Variants in D2HGDH observed in about 807,000 individuals in gnomAD.
The protein encoded by D2HGDH is D-2-hydroxyglutarate dehydrogenase, mitochondrial.
D2HGDH carries 31 observed loss-of-function variants against 46.9 expected under a neutral mutation model. The observed-to-expected ratio is 0.66, with a 90% CI of 0.50 to 0.89. D2HGDH has a LOEUF of 0.89. D2HGDH is among the 40% of genes least tolerant of loss of function. The pLI is 0.00. For missense variants in D2HGDH, 698 were observed against 720.8 expected, an observed-to-expected ratio of 0.97 and a Z score of 0.36; for synonymous variants, 364 against 332.6, an observed-to-expected ratio of 1.09 and a Z score of -1.03.
At chr2:241,748,757 C>G (rs982378406) in intron 6 of D2HGDH, 69 of 1,072,034 alleles carry the variant, frequency 6.4e-5, no homozygotes, top group Non-Finnish European at 7.5e-5. Context: ...CTGGGGCAGC[C>G]TTGACTGCTT....
intron 2 of D2HGDH, among the ~76,000 whole-genome samples, chr2:241,739,942 C>G (rs1490878538): frequency 6.6e-6 from 1 of 152,140 alleles, no homozygotes; most frequent in Non-Finnish European, 1.5e-5. Flanking sequence ...GCCATGAGTT[C>G]AAGATCAGAC....
chr2:241,750,059 A>C, intron 6 of D2HGDH, 92 bp from the exon 7 acceptor site: 2 of 1,596,766 alleles, frequency 1.3e-6, no homozygotes, highest in South Asian at 2.2e-5. Flanking sequence ...ACCCACCCAC[A>C]TGAGTCGGGC....
chr2:241,744,576 C>G (rs138139840), intron 5 of D2HGDH, 133 bp from the exon 6 acceptor site: 1 of 1,119,896 alleles, frequency 8.9e-7, no homozygotes, highest in African/African-American at 1.5e-5. Context: ...GTCACTCGTA[C>G]AGGAGGAAAG....
At chr2:241,737,100 C>A (rs550474855) in intron 2 of D2HGDH, among the ~76,000 whole-genome samples, 16 of 152,318 alleles carry the variant, frequency 1.1e-4, no homozygotes, top group Non-Finnish European at 1.5e-4. Context: ...TCCCGAGTAG[C>A]TGGGACTACA....
rs762845272 is a variant in D2HGDH, at chr2:241,755,923, C to T, written c.1215C>T (p.Ser405=). 3.7e-6 allele frequency: 6 copies of T among 1,612,904 alleles called. No individual in the cohort carries two copies. In the East Asian group the frequency reaches 1.1e-4, roughly 30 times the overall value. Residue 405 remains serine (S), a synonymous_variant, in exon 9 of 10, where the codon TCC becomes TCT. Coordinates refer to ENST00000321264, the MANE Select transcript of D2HGDH (RefSeq NM_152783.5). The stretch of plus-strand genomic sequence containing the variant: ...GCTACGTGTACAAGTACGACCTCTC[C>T]CTCCCTGTGGAGCGGCTCTACGACA... ...RDGYVYKYDL[S]LPVERLYDIV...
chr2:241,767,900 G>A lies in D2HGDH; in HGVS notation c.1497G>A (p.Gln499=). The A allele has an allele frequency of 6.2e-7, 1 of 1,604,768 alleles. No individual in the cohort carries two copies. The highest frequency in any genetic ancestry group is 8.5e-7 in the Non-Finnish European group (1 of 1,176,196). ...SKPPGALQLM[Q]QLKALLDPKG... The stretch of plus-strand genomic sequence containing the variant: ...CACCGGGGGCCCTGCAGCTCATGCA[G>A]CAGCTCAAGGCCCTGCTGGACCCCA... Residue 499 remains glutamine, a synonymous_variant, in exon 10 of 10, where the codon CAG becomes CAA. Coordinates refer to ENST00000321264, the MANE Select transcript of D2HGDH (RefSeq NM_152783.5).
At chr2:241,759,942 A>AT (rs2125166253) in intron 9 of D2HGDH, among the ~76,000 whole-genome samples, 1 of 152,346 alleles carries the variant, frequency 6.6e-6, no homozygotes, top group South Asian at 2.1e-4. Context: ...CTGTGAAGAT[A>AT]TTTTTTATGT....
chr2:241,751,370 C>A lies in D2HGDH; in HGVS notation c.1122C>A (p.Thr374=). 1 of 1,613,542 alleles carries A rather than the reference C, an allele frequency of 6.2e-7. No homozygotes were observed. The highest frequency in any genetic ancestry group is 8.5e-7 in the Non-Finnish European group (1 of 1,180,032). The change falls in exon 8 of 10, where the codon ACC becomes ACA. Residue 374 remains threonine, a synonymous_variant. Transcript: ENST00000321264. ...TGGTGACCGATGGGACCATGGCCAC[C>A]GACCAGAGGAAAGTCAAGGTGCCCT... ...SGLVTDGTMA[T]DQRKVKMLWA... is the part of the protein sequence containing the mutation.
intron 6 of D2HGDH, among the ~76,000 whole-genome samples, chr2:241,747,372 G>A (rs1696131020): frequency 6.8e-6 from 1 of 146,888 alleles, no homozygotes; most frequent in South Asian, 2.2e-4. Context: ...CCAAAGACGA[G>A]GTACCTTCCT....
At position 241,767,884 on chromosome 2, in the gene D2HGDH, C is replaced by A; in HGVS notation, c.1481C>A (p.Ala494Asp). ...CTGGGCTACAGCAAGCCACCGGGGG[C>A]CCTGCAGCTCATGCAGCAGCTCAAG... ...DVLGYSKPPG[A>D]LQLMQQLKAL... The change falls in exon 10 of 10, where the codon GCC becomes GAC. Residue 494 changes from alanine to aspartate, a missense_variant. Physicochemically the swap from Ala to Asp is moderately radical, Grantham distance 126 (BLOSUM62 -2). Coordinates refer to ENST00000321264, the MANE Select transcript of D2HGDH (RefSeq NM_152783.5). The A allele has an allele frequency of 6.2e-7, 1 of 1,607,984 alleles. No homozygotes were observed.
At chr2:241,749,902 CCTGAT>C in intron 6 of D2HGDH, 2 of 574,132 alleles carry the variant, frequency 3.5e-6, no homozygotes, top group Admixed American at 4.9e-5. Context: ...TGCACCTTCT[CCTGAT>C]CTGATGCTGG....
intron 6 of D2HGDH, 141 bp downstream of exon 6, chr2:241,745,018 C>A: frequency 1.7e-6 from 2 of 1,156,444 alleles, no homozygotes; most frequent in Non-Finnish European, 2.5e-6. Context: ...GACATCTCTG[C>A]TTCCAAAGGA....
intron 2 of D2HGDH, among the ~76,000 whole-genome samples, chr2:241,736,458 C>T (rs527695095): frequency 1.4e-4 from 22 of 152,234 alleles, no homozygotes; most frequent in Non-Finnish European, 2.5e-4. Flanking sequence ...GAGGAGGCTC[C>T]TTCCTGCCTC....
At chr2:241,758,079 C>T (rs904122100) in intron 9 of D2HGDH, among the ~76,000 whole-genome samples, 1 of 152,142 alleles carries the variant, frequency 6.6e-6, no homozygotes, top group Admixed American at 6.5e-5. Context: ...CTGATTGATC[C>T]CTCTGGAGTC....
At chr2:241,755,079 C>A in intron 8 of D2HGDH, 1 of 1,303,688 alleles carries the variant, frequency 7.7e-7, no homozygotes, top group Non-Finnish European at 1.0e-6. Context: ...AAGCAAAAGC[C>A]ACGCAAACCA....
At position 241,744,826 on chromosome 2, in the gene D2HGDH, G is replaced by A. The variant is rs901746208; in HGVS notation, c.802G>A (p.Val268Met). The A allele has an allele frequency of 6.2e-7, 1 of 1,614,044 alleles. No individual in the cohort carries two copies. The highest frequency in any genetic ancestry group is 1.3e-5 in the African/African-American group (1 of 74,906). ...GGGCACTTTGGGGATCATCACCACG[G>A]TGTCCATCTTGTGTCCACCCAAGCC... ...SEGTLGIITT[V>M]SILCPPKPRA... Residue 268 changes from valine (V) to methionine (M), a missense_variant, in exon 6 of 10, where the codon GTG (valine) becomes ATG (methionine). By Grantham distance (21) the Val-to-Met change is conservative. Coordinates refer to ENST00000321264, the MANE Select transcript of D2HGDH (RefSeq NM_152783.5).
intron 6 of D2HGDH, among the ~76,000 whole-genome samples, chr2:241,746,190 G>A (rs749677997): frequency 2.0e-5 from 3 of 152,072 alleles, no homozygotes; most frequent in Non-Finnish European, 2.9e-5. Flanking sequence ...GTCTCAGTCC[G>A]TCTTCTGTGT....
intron 7 of D2HGDH, 50 bp downstream of exon 7, chr2:241,750,344 C>T (rs373721818): frequency 5.2e-5 from 70 of 1,348,660 alleles, no homozygotes; most frequent in Non-Finnish European, 5.9e-5. Context: ...TCCTTCTGCA[C>T]GTCTGGACAC....
At position 241,750,247 on chromosome 2, in the gene D2HGDH, G is replaced by A; in HGVS notation, c.950G>A (p.Cys317Tyr). Residue 317 changes from cysteine to tyrosine, a missense_variant, in exon 7 of 10, where the codon TGC becomes TAC. Coordinates refer to ENST00000321264, the MANE Select transcript of D2HGDH (RefSeq NM_152783.5). ...LSAFEFMDAVCMQLVGRHLHL... is the reference protein window; with the variant it reads ...LSAFEFMDAVYMQLVGRHLHL... ...GCATTCGAGTTCATGGATGCTGTGT[G>A]CATGCAGCTGGTCGGGCGCCATCTC... 6.2e-7 allele frequency: 1 copy of A among 1,614,006 alleles called. No homozygotes were observed. The highest frequency in any genetic ancestry group is 8.5e-7 in the Non-Finnish European group (1 of 1,180,038).
Sources: gnomAD v4.1 joint callset for allele counts (sites outside exome capture counted in the v4.1 genomes callset) on GRCh38, gnomAD v4.1.1 for gene constraint, MANE v1.5 for transcripts, NCBI Gene and HGNC (gene_info 2026-07-23, HGNC 2026-07-21) for gene names.